ECT2: variants seen among roughly 807,000 people sequenced by gnomAD.
ECT2 encodes the protein epithelial cell transforming 2.
Under a neutral mutation model 116.9 loss-of-function variants are expected in ECT2, and 61 were observed. The ratio of observed to expected loss-of-function variants is 0.52; its 90% CI spans 0.42 to 0.65. The LOEUF is 0.65. ECT2 is among the 30% of genes least tolerant of loss of function. ECT2 has a pLI of 0.00. For synonymous variants in ECT2, 358 were observed against 346.4 expected, an observed-to-expected ratio of 1.03 and a Z score of -0.37; for missense variants, 937 against 1,078.7, an observed-to-expected ratio of 0.87 and a Z score of 1.84.
chr3:172,813,918 C>T (rs994510176), intron 22 of ECT2, among the ~76,000 whole-genome samples: 6 of 151,798 alleles, frequency 4.0e-5, no homozygotes, highest in Admixed American at 2.0e-4. Flanking sequence ...ACATTTTATA[C>T]GTGTAGAAAT....
Position 172,801,215 on chromosome 3 carries a change from G to A in ECT2, c.1908-1401G>A, listed in dbSNP as rs768962533. Among the ~76,000 whole-genome samples the A allele has an allele frequency of 3.7e-4, 56 of 152,004 alleles. 1 individual carries two copies. Among genetic ancestry groups the A allele is most frequent in the Non-Finnish European group, 7.4e-5 (5 of 67,996 alleles). ...GTCAGTTTTACTTTTTTGAGAGCTA[G>A]ATATTTTTGTATTCTTAAAAATGTT... On this transcript the variant is annotated intron_variant, in intron 18 of 24. Transcript: ENST00000392692.
intron 13 of ECT2, among the ~76,000 whole-genome samples, chr3:172,772,388 G>A (rs1720821813): frequency 6.6e-6 from 1 of 152,082 alleles, no homozygotes; most frequent in South Asian, 2.1e-4. Context: ...AGTAGAGATG[G>A]GGTTTCACCA....
the ECT2 span, among the ~76,000 whole-genome samples, chr3:172,827,553 C>T: frequency 2.0e-5 from 3 of 152,110 alleles, no homozygotes; most frequent in East Asian, 1.9e-4. Flanking sequence ...TGTTCTCACT[C>T]ATATGTGGGA....
intron 22 of ECT2, among the ~76,000 whole-genome samples, chr3:172,813,700 C>T (rs4635736): frequency 0.47 from 70,515 of 151,632 alleles, 19,475 homozygotes; most frequent in East Asian, 0.69. Flanking sequence ...TTTCATCTTC[C>T]TAAACTGGAA....
At chr3:172,795,729 T>A (rs1030698572) in intron 18 of ECT2, among the ~76,000 whole-genome samples, 2 of 152,188 alleles carry the variant, frequency 1.3e-5, no homozygotes, top group African/African-American at 4.8e-5. Context: ...AACTAAACTT[T>A]GCAAGTAATT....
At chr3:172,771,183 A>G (rs1720566156) in intron 13 of ECT2, 1 of 152,174 alleles carries the variant, frequency 6.6e-6, no homozygotes, top group South Asian at 2.1e-4. Flanking sequence ...TTATTAGATT[A>G]GCTGTACTAT....
chr3:172,816,274 AT>A (rs1190647682), intron 23 of ECT2, among the ~76,000 whole-genome samples: 1 of 152,078 alleles, frequency 6.6e-6, no homozygotes, highest in East Asian at 1.9e-4. Context: ...GGGGCTTTGT[AT>A]TTTAATAATT....
chr3:172,788,955 G>A (rs148207760), intron 18 of ECT2, among the ~76,000 whole-genome samples: 6 of 151,926 alleles, frequency 3.9e-5, no homozygotes, highest in African/African-American at 1.4e-4. Context: ...CTACTTGGGA[G>A]GCTGAGGCAT....
At chr3:172,801,702 G>A (rs1303647188) in intron 18 of ECT2, among the ~76,000 whole-genome samples, 2 of 152,198 alleles carry the variant, frequency 1.3e-5, no homozygotes, top group African/African-American at 4.8e-5. Context: ...TCTTTGCAGG[G>A]AAGAAACTTT....
chr3:172,816,096 C>T lies in ECT2; in HGVS notation c.2508+385C>T, dbSNP rs186320329. On this transcript the variant is annotated intron_variant, in intron 23 of 24. Transcript: ENST00000392692. ...CTCTAGAAGTCTATTTTAGTCTTCT[C>T]GTGATGAAGATAACTTACTTACCTT... Among the ~76,000 whole-genome samples, 10 of 152,178 alleles carry T rather than the reference C, an allele frequency of 6.6e-5. No individual in the cohort carries two copies. The East Asian group carries it at 1.2e-3, about 18-fold the overall frequency.
chr3:172,818,743 T>C (rs1432397575), intron 24 of ECT2: 1 of 1,287,750 alleles, frequency 7.8e-7, no homozygotes, highest in Non-Finnish European at 1.0e-6. Context: ...TCTTTCCAAG[T>C]CATCTTTGAC....
Position 172,782,178 on chromosome 3 carries a change from C to A in ECT2, c.1564C>A (p.Leu522Ile). Residue 522 changes from leucine to isoleucine, a missense_variant, in exon 15 of 25, where the codon CTT (leucine) becomes ATT (isoleucine). Physicochemically the swap from Leu to Ile is conservative, Grantham distance 5. Transcript: ENST00000392692. ...GCTATTTCAGGATGATCTTGAAGAC[C>A]TTATAGTTAATTGGGATGAGAGCAA... The part of the protein sequence containing the change: ...HTKIKDDLED[L>I]IVNWDESKSI... 6.3e-7 allele frequency: 1 copy of A among 1,576,248 alleles called. No individual in the cohort carries two copies. Among genetic ancestry groups the A allele is most frequent in the Non-Finnish European group, 8.6e-7 (1 of 1,157,340 alleles).
At chr3:172,774,544 C>T (rs1373890125) in intron 14 of ECT2, among the ~76,000 whole-genome samples, 2 of 152,046 alleles carry the variant, frequency 1.3e-5, no homozygotes, top group African/African-American at 4.8e-5. Context: ...GGCTAGCGTG[C>T]AGTGGCCTGA....
chr3:172,815,222 T>G (rs538703503), intron 22 of ECT2, among the ~76,000 whole-genome samples: 1 of 152,288 alleles, frequency 6.6e-6, no homozygotes, highest in South Asian at 2.1e-4. Flanking sequence ...AAGGGTAAAG[T>G]AGGAGAAAGT....
chr3:172,771,567 A>C (rs757507126), intron 13 of ECT2, among the ~76,000 whole-genome samples: 3 of 152,226 alleles, frequency 2.0e-5, no homozygotes, highest in Non-Finnish European at 4.4e-5. Context: ...GAGATGGCCT[A>C]TACCAATCTA....
chr3:172,818,869 A>AT (rs1482455778), intron 24 of ECT2: 3 of 1,137,340 alleles, frequency 2.6e-6, no homozygotes, highest in African/African-American at 1.6e-5. Context: ...AAAGGAACAT[A>AT]TTTTTTCTCC....
intron 22 of ECT2, among the ~76,000 whole-genome samples, chr3:172,811,097 C>A (rs1386435862): frequency 2.0e-5 from 3 of 152,088 alleles, no homozygotes; most frequent in Admixed American, 2.0e-4. Flanking sequence ...TTTGGCTAAT[C>A]TATCAATTTT....
chr3:172,822,596 A>T (rs1577064592), downstream of ECT2, among the ~76,000 whole-genome samples: 2 of 152,120 alleles, frequency 1.3e-5, no homozygotes, highest in South Asian at 4.1e-4. Flanking sequence ...ATAAAAAGGC[A>T]TGAGGAGAGT....
rs745411968 is a variant in ECT2 at position 172,761,594 on chromosome 3, A to G, written c.685-16A>G. ...TTATTTAAGGAGAAAATTCACTGTA[A>G]TGTTTATATTTTTAGGTTGCTGTGA... On this transcript the variant is annotated splice_polypyrimidine_tract_variant and intron_variant, in intron 7 of 24. Coordinates refer to ENST00000392692, the MANE Select transcript of ECT2 (RefSeq NM_001258315.2). 5.5e-5 allele frequency: 86 copies of G among 1,570,612 alleles called. No individual in the cohort carries two copies. Among genetic ancestry groups the G allele is most frequent in the Non-Finnish European group, 7.2e-5 (82 of 1,142,062 alleles).
Sources: allele counts gnomAD v4.1 joint callset (sites outside exome capture counted in the v4.1 genomes callset), GRCh38; gene constraint gnomAD v4.1.1; transcripts MANE v1.5; gene names NCBI Gene and HGNC (gene_info 2026-07-23, HGNC 2026-07-21).